MCF2L2: variants seen among roughly 807,000 people sequenced by gnomAD.
MCF2L2 encodes the protein probable guanine nucleotide exchange factor MCF2L2.
MCF2L2 carries 102 observed loss-of-function variants against 150.2 expected under a neutral mutation model. The observed-to-expected ratio is 0.68, with a 90% CI of 0.58 to 0.80. The LOEUF (loss-of-function observed/expected upper bound fraction) is 0.80, where lower values mean the gene tolerates loss of function less well. Ranked by LOEUF, MCF2L2 falls within the 30% of genes least tolerant of loss-of-function variation. MCF2L2 has a pLI of 0.00. For missense variants in MCF2L2, 1,256 were observed against 1,372.8 expected (o/e 0.91, Z 1.34); for synonymous variants, 465 against 491.3 (o/e 0.95, Z 0.71).
chr3:183,193,160 C>T (rs1297037780), intron 26 of MCF2L2, 64 bp from the exon 27 acceptor site: 1 of 1,366,502 alleles, frequency 7.3e-7, no homozygotes, highest in East Asian at 2.3e-5. Flanking sequence ...CCCTCCCCCA[C>T]CAGTTGGAGT....
chr3:183,249,084 T>C (rs1024532413), intron 15 of MCF2L2, among the ~76,000 whole-genome samples: 3 of 150,774 alleles, frequency 2.0e-5, no homozygotes, highest in Non-Finnish European at 4.4e-5. Flanking sequence ...TAAGTGCCAA[T>C]TGTCTTTTAA....
chr3:183,421,378 C>G (rs1363869470), intron 1 of MCF2L2, among the ~76,000 whole-genome samples: 3 of 152,202 alleles, frequency 2.0e-5, no homozygotes, highest in African/African-American at 4.8e-5. Context: ...TAATCTCTAT[C>G]AAATCTATCT....
At chr3:183,358,565 A>G (rs559177446) in intron 3 of MCF2L2, among the ~76,000 whole-genome samples, 57 of 152,330 alleles carry the variant, frequency 3.7e-4, no homozygotes, top group African/African-American at 1.3e-3. Context: ...AAAATCTATC[A>G]CAATGAACTG....
chr3:183,193,357 C>CTT (rs765523814), intron 26 of MCF2L2, among the ~76,000 whole-genome samples: 3 of 139,498 alleles, frequency 2.2e-5, no homozygotes, highest in South Asian at 2.2e-4. Context: ...CTTTTTCTTT[C>CTT]TTTTTTTTTT....
At chr3:183,180,248 T>C in intron 27 of MCF2L2, 89 bp from the exon 28 acceptor site, 1 of 814,858 alleles carries the variant, frequency 1.2e-6, no homozygotes. Context: ...CAGTGCCTGT[T>C]GCAGGCACGG....
intron 3 of MCF2L2, among the ~76,000 whole-genome samples, chr3:183,359,472 T>C (rs933440804): frequency 4.6e-5 from 7 of 152,206 alleles, no homozygotes; most frequent in Admixed American, 2.0e-4. Flanking sequence ...CTGCTCACAC[T>C]CCAGCTGAAA....
At chr3:183,278,725 G>C (rs1347554203) in intron 14 of MCF2L2, among the ~76,000 whole-genome samples, 3 of 152,184 alleles carry the variant, frequency 2.0e-5, no homozygotes, top group African/African-American at 4.8e-5. Flanking sequence ...GAACTCCGTT[G>C]ATCTATTGTA....
chr3:183,356,019 A>T (rs1422766362), intron 3 of MCF2L2, among the ~76,000 whole-genome samples: 1 of 151,978 alleles, frequency 6.6e-6, no homozygotes, highest in African/African-American at 2.4e-5. Context: ...CTCTTCCTTC[A>T]CAAAGTAGAT....
rs900585499 is a variant in MCF2L2 at position 183,276,888 on chromosome 3, C to G, written c.1846G>C (p.Asp616His). ...PELEQQARLG[D>H]LSPRRRIIRD... ...CAGTCTTACCTGCGGGGGGAAAGGT[C>G]TCCGAGCCTGGCCTGCTGCTCCAGC... Residue 616 changes from aspartate to histidine, a missense_variant, in exon 15 of 30, where the codon GAC (aspartate) becomes CAC (histidine). Physicochemically the swap from Asp to His is moderately conservative, Grantham distance 81. Coordinates refer to ENST00000328913, the MANE Select transcript of MCF2L2 (RefSeq NM_015078.4). The G allele has an allele frequency of 6.2e-7, 1 of 1,609,768 alleles. No homozygotes were observed. The highest frequency in any genetic ancestry group is 8.5e-7 in the Non-Finnish European group (1 of 1,177,804).
At chr3:183,278,620 A>G (rs1269952962) in intron 14 of MCF2L2, among the ~76,000 whole-genome samples, 1 of 152,190 alleles carries the variant, frequency 6.6e-6, no homozygotes, top group African/African-American at 2.4e-5. Context: ...CCAGCGTGTA[A>G]TACAGGCCCT....
chr3:183,298,558 C>G (rs957752545), intron 11 of MCF2L2: 6 of 152,092 alleles, frequency 3.9e-5, no homozygotes, highest in Non-Finnish European at 8.8e-5. Flanking sequence ...GGGATATGTA[C>G]GTGCCCATGA....
rs1468368219 is a variant in MCF2L2, at chr3:183,179,999, G to A, written c.3105+72C>T. The A allele has an allele frequency of 9.1e-6, 11 of 1,213,388 alleles. No homozygotes were observed. Among genetic ancestry groups the A allele is most frequent in the African/African-American group, 1.5e-5 (1 of 67,378 alleles). 75.2% of individuals were successfully genotyped at this position (1,213,388 alleles called of 1,614,324 possible). On this transcript the variant is annotated intron_variant, in intron 28 of 29. Coordinates refer to ENST00000328913, the MANE Select transcript of MCF2L2 (RefSeq NM_015078.4). The surrounding 1 kb of genome is among the most constrained non-coding windows in gnomAD (Gnocchi z 4.2). ...GAGGGGGAGAGGGATGGAGGCTAGGGACAGGAGGCAGGAGGAGCTGATGAA... is the reference window on the plus strand; with the variant it reads ...GAGGGGGAGAGGGATGGAGGCTAGGAACAGGAGGCAGGAGGAGCTGATGAA...
At position 183,195,257 on chromosome 3, in the gene MCF2L2, T is replaced by C; in HGVS notation, c.2885-2A>G. On this transcript the variant is annotated splice_acceptor_variant, in intron 25 of 29. Coordinates refer to ENST00000328913, the MANE Select transcript of MCF2L2 (RefSeq NM_015078.4). LOFTEE classifies it high-confidence loss of function. ...TTTCAAACTGTGGATTTCCTTGGTC[T>C]AAAATTTTAAAAAACAAAAAACAGC... 6.2e-7 allele frequency: 1 copy of C among 1,601,358 alleles called. No homozygotes were observed. The highest frequency in any genetic ancestry group is 8.5e-7 in the Non-Finnish European group (1 of 1,176,224).
chr3:183,341,093 G>A (rs1293559205), intron 4 of MCF2L2, among the ~76,000 whole-genome samples: 1 of 152,210 alleles, frequency 6.6e-6, no homozygotes, highest in African/African-American at 2.4e-5. Flanking sequence ...AGACAACAAT[G>A]AATAGAGTGG....
chr3:183,244,937 G>A (rs1173099251), intron 15 of MCF2L2, among the ~76,000 whole-genome samples: 1 of 151,462 alleles, frequency 6.6e-6, no homozygotes, highest in Non-Finnish European at 1.5e-5. Context: ...AATTAGCATG[G>A]TGTTATAAAA....
Position 183,318,201 on chromosome 3 carries a change from G to A in MCF2L2, c.620C>T (p.Ala207Val), listed in dbSNP as rs1373907541. 2 of 1,614,210 alleles carry A rather than the reference G, an allele frequency of 1.2e-6. No homozygotes were observed. Among genetic ancestry groups the A allele is most frequent in the South Asian group, 1.1e-5 (1 of 91,076 alleles). The part of the protein sequence containing the change: ...VNHRTAIENF[A>V]LTLKTTAQML... ...CTGGGCAGTGGTCTTCAAGGTCAAGGCAAAGTTTTCGATGGCCTGGAAGGT... is the reference window on the plus strand; with the variant it reads ...CTGGGCAGTGGTCTTCAAGGTCAAGACAAAGTTTTCGATGGCCTGGAAGGT... The change falls in exon 7 of 30, where the codon GCC becomes GTC. Residue 207 changes from alanine (A) to valine (V), a missense_variant. Physicochemically the swap from Ala to Val is moderately conservative, Grantham distance 64. Coordinates refer to ENST00000328913, the MANE Select transcript of MCF2L2 (RefSeq NM_015078.4).
At chr3:183,362,108 ACT>A (rs1491251215) in intron 3 of MCF2L2, among the ~76,000 whole-genome samples, 5 of 130,840 alleles carry the variant, frequency 3.8e-5, no homozygotes, top group African/African-American at 2.0e-4. Context: ...TGTCTCAAGA[ACT>A]TTTTTTTTTT....
At chr3:183,291,159 A>C (rs1295942207) in intron 13 of MCF2L2, among the ~76,000 whole-genome samples, 1 of 152,202 alleles carries the variant, frequency 6.6e-6, no homozygotes, top group Non-Finnish European at 1.5e-5. Context: ...TTCCAGGCAC[A>C]ATAACTAGAT....
chr3:183,207,800 C>T lies in MCF2L2; in HGVS notation c.2520G>A (p.Lys840=), dbSNP rs777830900. The change falls in exon 23 of 30, where the codon AAG becomes AAA. Residue 840 remains lysine (K), a synonymous_variant. Coordinates refer to ENST00000328913, the MANE Select transcript of MCF2L2 (RefSeq NM_015078.4). ...CGCTGAAAGGGCCGTGCAGCAACAG[C>T]TTGCCTAGTTTTCCAATATCGTCCT... ...ECPDDIGKLG[K]LLLHGPFSVW... 8 of 1,614,134 alleles carry T rather than the reference C, an allele frequency of 5.0e-6. No homozygotes were observed. The Admixed American group carries it at 1.3e-4, about 27-fold the overall frequency.
Sources: gnomAD v4.1 joint callset for allele counts (sites outside exome capture counted in the v4.1 genomes callset) on GRCh38, gnomAD v4.1.1 for gene constraint, Gnocchi (gnomAD v3.1) non-coding constraint, MANE v1.5 for transcripts, NCBI Gene and HGNC (gene_info 2026-07-23, HGNC 2026-07-21) for gene names.